Variants in RASA3 observed in about 807,000 individuals in gnomAD.
RASA3 encodes ras GTPase-activating protein 3.
A neutral mutation model predicts 110.0 loss-of-function variants in RASA3; 73 were observed. The ratio of observed to expected loss-of-function variants is 0.66; its 90% CI spans 0.55 to 0.81. The LOEUF (loss-of-function observed/expected upper bound fraction) is 0.81, where lower values mean the gene tolerates loss of function less well. Among genes scored for constraint, RASA3 ranks in the 30% least tolerant of loss-of-function variants. RASA3 has a pLI of 0.00. For synonymous variants in RASA3, 500 were observed against 451.4 expected, an observed-to-expected ratio of 1.11 and a Z score of -1.37; for missense variants, 976 against 1,113.2, an observed-to-expected ratio of 0.88 and a Z score of 1.75.
intron 9 of RASA3, 117 bp from the exon 10 acceptor site, chr13:114,019,036 A>G (rs2053857884): frequency 7.5e-7 from 1 of 1,330,984 alleles, no homozygotes; most frequent in African/African-American, 1.5e-5. Flanking sequence ...ATCCTGTAGG[A>G]CCCCTCAGAG....
intron 4 of RASA3, among the ~76,000 whole-genome samples, chr13:114,034,641 C>A (rs903669115): frequency 1.3e-5 from 2 of 152,346 alleles, no homozygotes; most frequent in Admixed American, 1.3e-4. Context: ...CTTTCTCCTG[C>A]CAGAAAAGCC....
In RASA3 at chr13:114,096,879, C is replaced by T. The variant is rs141426403; in HGVS notation, c.56-23042G>A. 3.9e-4 allele frequency among the ~76,000 whole-genome samples: 60 copies of T among 152,322 alleles called. No individual in the cohort carries two copies. The highest frequency in any genetic ancestry group is 6.9e-4 in the Non-Finnish European group (47 of 68,030). ...GTACTCGCCCTACACCCCAGCCAAA[C>T]GCACTCCGTGTTTGCCAACATGTGC... On this transcript the variant is annotated intron_variant, in intron 1 of 23. Coordinates refer to ENST00000334062, the MANE Select transcript of RASA3 (RefSeq NM_007368.4). This position sits in a 1 kb window ranked among gnomAD's most constrained non-coding sequence, Gnocchi z 5.1.
chr13:114,041,127 G>A, intron 3 of RASA3, 33 bp from the exon 4 acceptor site: 1 of 1,587,070 alleles, frequency 6.3e-7, no homozygotes, highest in Non-Finnish European at 8.6e-7. Flanking sequence ...TTCACCACGG[G>A]CACAGGCCCC....
intron 15 of RASA3, among the ~76,000 whole-genome samples, chr13:114,012,328 CCACACACTCCA>C (rs199774960): frequency 0.019 from 2,852 of 150,680 alleles, 87 homozygotes; most frequent in African/African-American, 0.066. Flanking sequence ...CACGCACCGT[CCACACACTCCA>C]CACACACTCC....
chr13:114,104,236 T>C (rs113837550), intron 1 of RASA3, among the ~76,000 whole-genome samples: 4 of 43,084 alleles, frequency 9.3e-5, no homozygotes, highest in East Asian at 1.4e-3. Flanking sequence ...CACCCACCCC[T>C]GATGCGTCCA....
intron 8 of RASA3, among the ~76,000 whole-genome samples, chr13:114,022,686 A>G (rs2053951237): frequency 6.6e-6 from 1 of 152,242 alleles, no homozygotes; most frequent in African/African-American, 2.4e-5. Context: ...TGATCTGCCC[A>G]TGGACACTTT....
At chr13:114,061,979 G>A (rs765157002) in intron 2 of RASA3, among the ~76,000 whole-genome samples, 31 of 152,134 alleles carry the variant, frequency 2.0e-4, no homozygotes, top group Non-Finnish European at 3.8e-4. Context: ...TGGTGGGCAG[G>A]GGGCTCCAGA....
At chr13:114,034,760 T>C (rs557211590) in intron 4 of RASA3, among the ~76,000 whole-genome samples, 45 of 152,312 alleles carry the variant, frequency 3.0e-4, no homozygotes, top group African/African-American at 1.0e-3. Flanking sequence ...AGACAAATTT[T>C]AAAATGTTCC....
At chr13:114,068,363 A>G (rs1317831) in intron 2 of RASA3, among the ~76,000 whole-genome samples, 92,858 of 152,232 alleles carry the variant, frequency 0.61, 30,125 homozygotes, top group African/African-American at 0.84. Flanking sequence ...GGGAGAGGTC[A>G]GCCACGTGGG....
At position 114,048,034 on chromosome 13, in the gene RASA3, G is replaced by C. The variant is rs1177054774; in HGVS notation, c.277+4018C>G. ...TTTATACACAAAGAACGGAGGTCTC[G>C]GCCGGGCGCGGTGGCTCACGCCTGT... On this transcript the variant is annotated intron_variant, in intron 3 of 23. Coordinates refer to ENST00000334062, the MANE Select transcript of RASA3 (RefSeq NM_007368.4). This position sits in a 1 kb window ranked among gnomAD's most constrained non-coding sequence, Gnocchi z 4.3. Among the ~76,000 whole-genome samples, 1 of 152,196 alleles carries C rather than the reference G, an allele frequency of 6.6e-6. No individual in the cohort carries two copies. The highest frequency in any genetic ancestry group is 1.5e-5 in the Non-Finnish European group (1 of 68,028).
intron 4 of RASA3, among the ~76,000 whole-genome samples, chr13:114,033,326 T>C (rs1403637367): frequency 9.7e-5 from 3 of 31,072 alleles, no homozygotes; most frequent in African/African-American, 1.5e-4. Context: ...GATACCACGT[T>C]CCACGGCACC....
chr13:114,043,598 A>C (rs2078974931), intron 3 of RASA3, among the ~76,000 whole-genome samples: 1 of 152,080 alleles, frequency 6.6e-6, no homozygotes, highest in South Asian at 2.1e-4. Context: ...TACACAGGCC[A>C]TCTGGAGCTG....
chr13:114,070,719 C>T (rs2079556875), intron 2 of RASA3, among the ~76,000 whole-genome samples: 3 of 143,822 alleles, frequency 2.1e-5, no homozygotes, highest in Non-Finnish European at 4.6e-5. Flanking sequence ...CAGTCTTACA[C>T]GTGGGCAGGG....
chr13:114,043,425 G>C (rs556666533), intron 3 of RASA3, among the ~76,000 whole-genome samples: 2 of 152,252 alleles, frequency 1.3e-5, no homozygotes, highest in East Asian at 1.9e-4. Flanking sequence ...AGCAGCCCTG[G>C]GAACAGCCCT....
chr13:114,046,300 G>A (rs766185492), intron 3 of RASA3, among the ~76,000 whole-genome samples: 4 of 152,302 alleles, frequency 2.6e-5, no homozygotes, highest in Non-Finnish European at 4.4e-5. Flanking sequence ...GAAAGAATTC[G>A]AGAATGAGGT....
chr13:113,996,486 A>G, intron 21 of RASA3, 45 bp downstream of exon 21: 1 of 1,570,284 alleles, frequency 6.4e-7, no homozygotes, highest in South Asian at 1.1e-5. Context: ...CCTTGGCCAC[A>G]TTTCCTGCAC....
chr13:114,019,731 T>C (rs1273954955), intron 9 of RASA3, among the ~76,000 whole-genome samples: 1 of 150,406 alleles, frequency 6.6e-6, no homozygotes, highest in Non-Finnish European at 1.5e-5. Flanking sequence ...GGAGCCTGTG[T>C]CTGAGACATT....
chr13:114,073,545 C>T (rs559272758), intron 2 of RASA3, among the ~76,000 whole-genome samples, 175 bp downstream of exon 2: 3 of 145,976 alleles, frequency 2.1e-5, no homozygotes, highest in East Asian at 4.1e-4. Context: ...CGTACACGCT[C>T]GGGACATTGT....
intron 2 of RASA3, among the ~76,000 whole-genome samples, chr13:114,053,261 C>T (rs1183903378): frequency 6.6e-6 from 1 of 150,622 alleles, no homozygotes; most frequent in Non-Finnish European, 1.5e-5. Context: ...CCAGGAGATG[C>T]AGCCGCCCCA....
Sources: gnomAD v4.1 joint callset for allele counts (sites outside exome capture counted in the v4.1 genomes callset) on GRCh38, gnomAD v4.1.1 for gene constraint, Gnocchi (gnomAD v3.1) non-coding constraint, MANE v1.5 for transcripts, NCBI Gene and HGNC (gene_info 2026-07-23, HGNC 2026-07-21) for gene names.